LIPA: variants seen among roughly 807,000 people sequenced by gnomAD.
LIPA encodes the protein lysosomal acid lipase/cholesteryl ester hydrolase.
Under a neutral mutation model 40.6 loss-of-function variants are expected in LIPA, and 26 were observed. The observed-to-expected ratio is 0.64, with a 90% confidence interval of 0.47 to 0.89. LIPA has a LOEUF of 0.89. LIPA is among the 40% of genes least tolerant of loss of function. The pLI is 0.00. For synonymous variants in LIPA, 188 were observed against 168.4 expected, an observed-to-expected ratio of 1.12 and a Z score of -0.90; for missense variants, 455 against 479.6, an observed-to-expected ratio of 0.95 and a Z score of 0.48.
Position 89,232,848 on chromosome 10 carries a change from A to G in LIPA, c.230-4450T>C, listed in dbSNP as rs150002999. 3.9e-3 allele frequency among the ~76,000 whole-genome samples: 591 copies of G among 152,350 alleles called. 9 individuals are homozygous for G. The highest frequency in any genetic ancestry group is 0.014 in the African/African-American group (566 of 41,580). On this transcript the variant is annotated intron_variant, in intron 3 of 9. Coordinates refer to ENST00000336233, the MANE Select transcript of LIPA (RefSeq NM_000235.4). ...AGATACATCAGGAAAGTCTTTAAAC[A>G]TCCCCAATAAATAACTCCTGGATTC...
chr10:89,252,817 A>AAC (rs1843149036), upstream of LIPA, among the ~76,000 whole-genome samples: 1 of 151,912 alleles, frequency 6.6e-6, no homozygotes, highest in African/African-American at 2.4e-5. Context: ...CAAAAAAAAA[A>AAC]AAAAACAGGG....
chr10:89,327,909 A>T, intron 1 of LIPA: 1 of 597,184 alleles, frequency 1.7e-6, no homozygotes. Context: ...TTCCCCTAAA[A>T]GCAATTACTC....
intron 2 of LIPA, 46 bp downstream of exon 2, chr10:89,247,492 G>C (rs201849859): frequency 8.8e-7 from 1 of 1,131,906 alleles, no homozygotes; most frequent in African/African-American, 1.5e-5. Flanking sequence ...TAACTGGATC[G>C]GGGAAATAGA....
In LIPA at chr10:89,385,988, G is replaced by C. The variant is rs537601044; in HGVS notation, c.61+26803C>G. ...ACACAGCATTAGAAGGCCTGAAGCAGAGGAAGTGATGGAATAGAAACCTGA... is the reference window on the plus strand; with the variant it reads ...ACACAGCATTAGAAGGCCTGAAGCACAGGAAGTGATGGAATAGAAACCTGA... On this transcript the variant is annotated intron_variant, in intron 2 of 8. Transcript: ENST00000371837. 3.3e-5 allele frequency among the ~76,000 whole-genome samples: 5 copies of C among 152,348 alleles called. No individual in the cohort carries two copies. The South Asian group carries it at 1.0e-3, about 32-fold the overall frequency.
At chr10:89,256,324 T>A (rs183307480), upstream of LIPA, among the ~76,000 whole-genome samples, 1 of 152,354 alleles carries the variant, frequency 6.6e-6, no homozygotes, top group East Asian at 1.9e-4. Flanking sequence ...GATTTGTGAC[T>A]AATCAGATTA....
At position 89,245,778 on chromosome 10, in the gene LIPA, A is replaced by G. The variant is rs1843016569; in HGVS notation, c.127T>C (p.Tyr43His). 2 of 1,559,794 alleles carry G rather than the reference A, an allele frequency of 1.3e-6. No individual in the cohort carries two copies. The highest frequency in any genetic ancestry group is 1.8e-6 in the Non-Finnish European group (2 of 1,130,362). The change falls in exon 3 of 10, where the codon TAC becomes CAC. Residue 43 changes from tyrosine (Y) to histidine (H), a missense_variant. Tyr to His is a moderately conservative substitution (Grantham distance 83). Coordinates refer to ENST00000336233, the MANE Select transcript of LIPA (RefSeq NM_000235.4). ...TATTCCTCACTAGGGAATCCCCAGTAAGAGATAATTTCACTCTGTAGAGAA... is the reference window on the plus strand; with the variant it reads ...TATTCCTCACTAGGGAATCCCCAGTGAGAGATAATTTCACTCTGTAGAGAA... ...TNMNVSEIISYWGFPSEEYLV... is the reference protein window; with the variant it reads ...TNMNVSEIISHWGFPSEEYLV...
intron 1 of LIPA, chr10:89,308,571 C>T (rs1416188671): frequency 1.3e-5 from 2 of 152,086 alleles, no homozygotes; most frequent in East Asian, 1.9e-4. Context: ...ATGCTTGGAA[C>T]GATTGAGATT....
chr10:89,234,057 T>G (rs114211277), intron 3 of LIPA, among the ~76,000 whole-genome samples: 4,655 of 152,222 alleles, frequency 0.031, 244 homozygotes, highest in African/African-American at 0.1. Context: ...ACTCAGGAAG[T>G]CCCAGAAGAA....
At chr10:89,215,371 A>C (rs1036078572) in intron 9 of LIPA, among the ~76,000 whole-genome samples, 2 of 152,222 alleles carry the variant, frequency 1.3e-5, no homozygotes, top group South Asian at 4.1e-4. Context: ...ACTCAAGGCA[A>C]TAGTGGCTGG....
intron 1 of LIPA, among the ~76,000 whole-genome samples, chr10:89,299,822 T>G (rs1054894754): frequency 2.0e-5 from 3 of 151,730 alleles, no homozygotes; most frequent in African/African-American, 2.4e-5. Flanking sequence ...TTGGTAGGAA[T>G]GTAAATTAGT....
At chr10:89,299,527 A>G (rs60607135) in intron 1 of LIPA, among the ~76,000 whole-genome samples, 128 of 152,320 alleles carry the variant, frequency 8.4e-4, no homozygotes, top group African/African-American at 2.9e-3. Context: ...GATACAGTGA[A>G]AAACGTTCTT....
chr10:89,384,360 G>A (rs751302156), intron 2 of LIPA: 94 of 1,614,022 alleles, frequency 5.8e-5, no homozygotes, highest in East Asian at 1.1e-4. Flanking sequence ...TGGCTGAAAC[G>A]TATGCAGAAA....
intron 2 of LIPA, chr10:89,402,437 A>T (rs773917190): frequency 2.6e-5 from 42 of 1,614,108 alleles, no homozygotes; most frequent in Non-Finnish European, 3.5e-5. Context: ...GTGTGGGAAT[A>T]CACAACCTAC....
At chr10:89,382,075 C>A (rs304492) in intron 2 of LIPA, among the ~76,000 whole-genome samples, 26,308 of 151,982 alleles carry the variant, frequency 0.17, 2,961 homozygotes, top group East Asian at 0.45. Context: ...TGGCCGTGAA[C>A]TTTTTCTTTC....
intron 2 of LIPA, among the ~76,000 whole-genome samples, chr10:89,375,501 C>A (rs1564802419): frequency 6.6e-6 from 1 of 152,202 alleles, no homozygotes; most frequent in Non-Finnish European, 1.5e-5. Context: ...TCAGAGTACA[C>A]AACCCCAAAA....
At chr10:89,227,171 T>C (rs1842780721) in intron 4 of LIPA, 167 bp from the exon 5 acceptor site, 1 of 638,784 alleles carries the variant, frequency 1.6e-6, no homozygotes, top group Non-Finnish European at 2.8e-6. Flanking sequence ...CCTTGGGCTC[T>C]CTTCCAGTTG....
intron 2 of LIPA, among the ~76,000 whole-genome samples, chr10:89,373,072 G>A (rs889055024): frequency 6.6e-6 from 1 of 151,514 alleles, no homozygotes. Flanking sequence ...GGTGGCTCAC[G>A]CCTGTAATCC....
rs12358054 is a variant in LIPA at position 89,223,531 on chromosome 10, T to C, written c.822+153A>G. On this transcript the variant is annotated intron_variant, in intron 7 of 9. Transcript: ENST00000336233. Reference sequence around the variant, plus strand: ...GATGGCAGCAGGTGGTACCGTATTCTAGGCATTGGCCAAAGTTCATGCTTG... The same window carrying C: ...GATGGCAGCAGGTGGTACCGTATTCCAGGCATTGGCCAAAGTTCATGCTTG... Among the ~76,000 whole-genome samples the C allele has an allele frequency of 0.1, 15,606 of 152,240 alleles. 832 individuals carry two copies. The highest frequency in any genetic ancestry group is 0.16 in the South Asian group (786 of 4,822).
chr10:89,413,043 G>GT (rs1223147146), intron 1 of LIPA: 1 of 168,662 alleles, frequency 5.9e-6, no homozygotes, highest in East Asian at 1.9e-4. Context: ...AGTGTGTGTT[G>GT]TTCCCCACTG....
Sources: allele counts gnomAD v4.1 joint callset (sites outside exome capture counted in the v4.1 genomes callset), GRCh38; gene constraint gnomAD v4.1.1; transcripts MANE v1.5; gene names NCBI Gene and HGNC (gene_info 2026-07-23, HGNC 2026-07-21).